Variants in RPS6KA4 observed in about 807,000 individuals in gnomAD.
RPS6KA4 encodes ribosomal protein S6 kinase alpha-4.
A neutral mutation model predicts 89.6 loss-of-function variants in RPS6KA4; 38 were observed. That is an observed-to-expected ratio of 0.42 (90% confidence interval 0.33 to 0.56). RPS6KA4 has a LOEUF of 0.56. Ranked by LOEUF, RPS6KA4 falls within the 20% of genes least tolerant of loss-of-function variation. The pLI, the probability that RPS6KA4 is intolerant of heterozygous loss-of-function variation, is 0.07. For missense variants in RPS6KA4, 873 were observed against 1,098.8 expected (o/e 0.79, Z 2.90); for synonymous variants, 495 against 492.8 (o/e 1.00, Z -0.06).
chr11:64,365,556 C>T (rs1405256583), intron 9 of RPS6KA4, 91 bp downstream of exon 9: 11 of 1,411,538 alleles, frequency 7.8e-6, no homozygotes, highest in Non-Finnish European at 1.1e-5. Flanking sequence ...CTGCCTAGGC[C>T]TTGTGTCCTG....
chr11:64,366,178 T>G (rs954252512), intron 9 of RPS6KA4, among the ~76,000 whole-genome samples: 17 of 151,294 alleles, frequency 1.1e-4, no homozygotes, highest in East Asian at 5.8e-4. Context: ...AATTTTTTTT[T>G]TTTTTTTTTT....
At chr11:64,366,467 C>T (rs1190862419) in intron 9 of RPS6KA4, among the ~76,000 whole-genome samples, 2 of 152,188 alleles carry the variant, frequency 1.3e-5, no homozygotes, top group Non-Finnish European at 2.9e-5. Context: ...CCATGCCAAG[C>T]CCCCTCTACT....
intron 9 of RPS6KA4, among the ~76,000 whole-genome samples, chr11:64,366,073 G>A (rs2036874549): frequency 1.3e-5 from 2 of 151,748 alleles, no homozygotes; most frequent in Admixed American, 6.6e-5. Flanking sequence ...ACTTTCTCAC[G>A]TGGACACCTA....
At position 64,359,193 on chromosome 11, in the gene RPS6KA4, C is replaced by T. The variant is rs2036665872; in HGVS notation, c.-43C>T. 5 of 1,265,416 alleles carry T rather than the reference C, an allele frequency of 4.0e-6. No individual in the cohort carries two copies. The highest frequency in any genetic ancestry group is 5.0e-6 in the Non-Finnish European group (5 of 998,450). 78.4% of individuals were successfully genotyped at this position (1,265,416 alleles called of 1,614,324 possible). On this transcript the variant is annotated 5_prime_UTR_variant, in exon 1 of 17. Coordinates refer to ENST00000334205, the MANE Select transcript of RPS6KA4 (RefSeq NM_003942.3). ...GCCGGAGCCGCCATGTAACCGGCGC[C>T]GCCCGGAGCCCGAGCCGCGCGGGCC...
chr11:64,371,501 T>G lies in RPS6KA4; in HGVS notation c.*21T>G, dbSNP rs1591323333. Reference sequence around the variant, plus strand: ...CCTAATCCCCACCACTGTGACCCCCTTCCCTCATAGGGGCTGTGACCTGGG... The same window carrying G: ...CCTAATCCCCACCACTGTGACCCCCGTCCCTCATAGGGGCTGTGACCTGGG... On this transcript the variant is annotated 3_prime_UTR_variant, in exon 17 of 17. Transcript: ENST00000334205. 4.7e-6 allele frequency: 4 copies of G among 847,082 alleles called. No homozygotes were observed. The highest frequency in any genetic ancestry group is 2.8e-5 in the East Asian group (1 of 35,408). 52.5% of individuals were successfully genotyped at this position (847,082 alleles called of 1,614,324 possible). A position where few individuals can be genotyped will look rare whatever the true frequency, so the allele number is the denominator to read the frequency against.
In RPS6KA4 at chr11:64,361,149, C is replaced by T. The variant is rs748593601; in HGVS notation, c.478C>T (p.Arg160Ter). Residue 160 changes from arginine (R) to a stop codon, truncating the protein, a stop_gained, in exon 5 of 17, where the codon CGA becomes TGA. Transcript: ENST00000334205. LOFTEE classifies it high-confidence loss of function. The surrounding 1 kb of genome is among the most constrained non-coding windows in gnomAD (Gnocchi z 4.7). ...CTCCTACCAGCTCGGCATCATTTACCGAGACCTGAAACTGGAGAATGTGCT... is the reference window on the plus strand; with the variant it reads ...CTCCTACCAGCTCGGCATCATTTACTGAGACCTGAAACTGGAGAATGTGCT... ...EHLHKLGIIY[R>*]DLKLENVLLD... 1.2e-6 allele frequency: 2 copies of T among 1,613,188 alleles called. No individual in the cohort carries two copies. The highest frequency in any genetic ancestry group is 1.1e-5 in the South Asian group (1 of 91,066).
chr11:64,360,414 G>A (rs771910095), intron 3 of RPS6KA4, 33 bp downstream of exon 3: 191 of 1,566,472 alleles, frequency 1.2e-4, no homozygotes, highest in Non-Finnish European at 1.6e-4. Context: ...CGGGGTTGGG[G>A]TGGCTGGGGG....
chr11:64,370,487 G>C lies in RPS6KA4; in HGVS notation c.1958-76G>C. ...GGTTGGGGATGGGTAGGGGAGGAGAGTGGGGCTGTTACGATCTCTTTGGGG... is the reference window on the plus strand; with the variant it reads ...GGTTGGGGATGGGTAGGGGAGGAGACTGGGGCTGTTACGATCTCTTTGGGG... On this transcript the variant is annotated intron_variant, in intron 15 of 16. Transcript: ENST00000334205. This position sits in a 1 kb window ranked among gnomAD's most constrained non-coding sequence, Gnocchi z 4.1. The C allele has an allele frequency of 2.5e-6, 4 of 1,600,570 alleles. No homozygotes were observed. The highest frequency in any genetic ancestry group is 3.4e-6 in the Non-Finnish European group (4 of 1,173,036).
chr11:64,371,702 G>T lies in RPS6KA4; in HGVS notation c.*222G>T. 1 of 472,768 alleles carries T rather than the reference G, an allele frequency of 2.1e-6. No individual in the cohort carries two copies. Among genetic ancestry groups the T allele is most frequent in the Admixed American group, 4.0e-5 (1 of 24,800 alleles). The allele number at this position is 472,768 out of a possible 1,614,324, so 29.3% of individuals were successfully genotyped here. A position where few individuals can be genotyped will look rare whatever the true frequency, so the allele number is the denominator to read the frequency against. On this transcript the variant is annotated 3_prime_UTR_variant, in exon 17 of 17. Coordinates refer to ENST00000334205, the MANE Select transcript of RPS6KA4 (RefSeq NM_003942.3). ...GGAAGGGGGGGCCTGCTGGGGAGTG[G>T]GGTTTGGGGGGCCCTCTCCCAGGAC...
At position 64,371,414 on chromosome 11, in the gene RPS6KA4, G is replaced by C. The variant is rs759846234; in HGVS notation, c.2253G>C (p.Pro751=). The C allele has an allele frequency of 5.0e-6, 8 of 1,608,920 alleles. No individual in the cohort carries two copies. The South Asian group carries it at 8.8e-5, about 18-fold the overall frequency. ...SRRGSPAPAN[P]GRAPVASKGA... ...GGGGCTCCCCTGCACCAGCCAACCC[G>C]GGCCGAGCCCCCGTCGCCTCCAAAG... Residue 751 remains proline (P), a synonymous_variant, in exon 17 of 17, where the codon CCG becomes CCC. Transcript: ENST00000334205.
Position 64,359,368 on chromosome 11 carries a change from G to T in RPS6KA4, c.56-10G>T. 1 of 1,612,868 alleles carries T rather than the reference G, an allele frequency of 6.2e-7. No individual in the cohort carries two copies. Among genetic ancestry groups the T allele is most frequent in the South Asian group, 1.1e-5 (1 of 90,906 alleles). On this transcript the variant is annotated splice_polypyrimidine_tract_variant and intron_variant, in intron 1 of 16. Transcript: ENST00000334205. ...GACCGGCTGGGCTCATTCGCCCCCT[G>T]TGCCCACAGCCAACCTGACCGGGCA...
At chr11:64,364,141 T>A (rs978031532) in intron 8 of RPS6KA4, among the ~76,000 whole-genome samples, 1 of 103,144 alleles carries the variant, frequency 9.7e-6, no homozygotes. Context: ...CTCTTCCTCT[T>A]CTTTTTTTTT....
At chr11:64,363,452 G>A (rs1387876328) in intron 8 of RPS6KA4, among the ~76,000 whole-genome samples, 2 of 152,076 alleles carry the variant, frequency 1.3e-5, no homozygotes, top group Admixed American at 6.6e-5. Flanking sequence ...AGGTCTTCAA[G>A]GCCTGATGTG....
At position 64,359,430 on chromosome 11, in the gene RPS6KA4, C is replaced by G. The variant is rs1378440914; in HGVS notation, c.108C>G (p.Leu36=). The change falls in exon 2 of 17, where the codon CTC becomes CTG. Residue 36 remains leucine (L), a synonymous_variant. Coordinates refer to ENST00000334205, the MANE Select transcript of RPS6KA4 (RefSeq NM_003942.3). ...TGAGCGTGGAGAACTTCGAGCTGCT[C>G]AAGGTGCTGGGCACGGGAGGTGAGG... ...EKVSVENFEL[L]KVLGTGAYGK... The G allele has an allele frequency of 1.2e-6, 2 of 1,613,606 alleles. No individual in the cohort carries two copies. Among genetic ancestry groups the G allele is most frequent in the African/African-American group, 2.7e-5 (2 of 74,944 alleles).
rs1565074968 is a variant in RPS6KA4, at chr11:64,370,480, G to A, written c.1958-83G>A. On this transcript the variant is annotated intron_variant, in intron 15 of 16. Transcript: ENST00000334205. This position sits in a 1 kb window ranked among gnomAD's most constrained non-coding sequence, Gnocchi z 4.1. ...GTGTCCTGGTTGGGGATGGGTAGGG[G>A]AGGAGAGTGGGGCTGTTACGATCTC... 1 of 1,602,664 alleles carries A rather than the reference G, an allele frequency of 6.2e-7. No individual in the cohort carries two copies. The highest frequency in any genetic ancestry group is 8.5e-7 in the Non-Finnish European group (1 of 1,174,314).
In RPS6KA4 at chr11:64,361,090, G is replaced by C. The variant is rs1258927968; in HGVS notation, c.463-44G>C. On this transcript the variant is annotated intron_variant, in intron 4 of 16. Transcript: ENST00000334205. This position sits in a 1 kb window ranked among gnomAD's most constrained non-coding sequence, Gnocchi z 4.7. ...GGCCAGGAGCTGGAGGAGCTGGGGA[G>C]GGTTTCGGGGAGGAAGCCTCAGCAC... 6.4e-6 allele frequency: 10 copies of C among 1,552,478 alleles called. No individual in the cohort carries two copies. Among genetic ancestry groups the C allele is most frequent in the Non-Finnish European group, 8.8e-6 (10 of 1,130,138 alleles).
At position 64,370,493 on chromosome 11, in the gene RPS6KA4, C is replaced by T. The variant is rs1591321492; in HGVS notation, c.1958-70C>T. Reference sequence around the variant, plus strand: ...GGATGGGTAGGGGAGGAGAGTGGGGCTGTTACGATCTCTTTGGGGCTCAGC... The same window carrying T: ...GGATGGGTAGGGGAGGAGAGTGGGGTTGTTACGATCTCTTTGGGGCTCAGC... On this transcript the variant is annotated intron_variant, in intron 15 of 16. Transcript: ENST00000334205. The surrounding 1 kb of genome is among the most constrained non-coding windows in gnomAD (Gnocchi z 4.1). The T allele has an allele frequency of 6.3e-7, 1 of 1,596,342 alleles. No homozygotes were observed. The highest frequency in any genetic ancestry group is 8.5e-7 in the Non-Finnish European group (1 of 1,170,936).
intron 9 of RPS6KA4, among the ~76,000 whole-genome samples, chr11:64,367,388 G>A (rs1285150798): frequency 1.3e-5 from 2 of 152,140 alleles, no homozygotes; most frequent in East Asian, 3.9e-4. Context: ...TCGGCTCACC[G>A]CAACCTCTGC....
chr11:64,360,680 C>CGGA, intron 4 of RPS6KA4, 88 bp downstream of exon 4: 1 of 1,182,530 alleles, frequency 8.5e-7, no homozygotes, highest in Non-Finnish European at 1.2e-6. Flanking sequence ...CCTCAGGCTT[C>CGGA]CCCCTGGGCT....
Sources: allele counts gnomAD v4.1 joint callset (sites outside exome capture counted in the v4.1 genomes callset), GRCh38; gene constraint gnomAD v4.1.1; non-coding constraint Gnocchi (gnomAD v3.1); transcripts MANE v1.5; gene names NCBI Gene and HGNC (gene_info 2026-07-23, HGNC 2026-07-21).